The following UGT1A7 variants were observed in gnomAD, a reference collection of about 807,000 sequenced individuals.
UGT1A7 encodes the protein UDP glucuronosyltransferase family 1 member A7.
Under a neutral mutation model 45.6 loss-of-function variants are expected in UGT1A7, and 33 were observed. The observed-to-expected ratio is 0.72, with a 90% CI of 0.55 to 0.97. The LOEUF (loss-of-function observed/expected upper bound fraction) is 0.97, where lower values mean the gene tolerates loss of function less well. Ranked by LOEUF, UGT1A7 falls within the 50% of genes least tolerant of loss-of-function variation. The probability of loss-of-function intolerance (pLI) is 0.00; values close to 1 mark genes in which losing one functional copy is unlikely to be tolerated. For missense variants in UGT1A7, 684 were observed against 666.2 expected (o/e 1.03, Z -0.29); for synonymous variants, 274 against 250.6 (o/e 1.09, Z -0.88).
chr2:233,692,100 T>G (rs2075078223), intron 1 of UGT1A7: 1 of 152,182 alleles, frequency 6.6e-6, no homozygotes, highest in African/African-American at 2.4e-5. Flanking sequence ...TGATCACCGA[T>G]GGGCAACAAT....
intron 1 of UGT1A7, among the ~76,000 whole-genome samples, chr2:233,739,458 G>A (rs183243418): frequency 1.3e-5 from 2 of 152,366 alleles, no homozygotes; most frequent in Non-Finnish European, 2.9e-5. Context: ...CAGGGTTGGA[G>A]CTGCCTGAGA....
chr2:233,744,895 T>C (rs1259140735), intron 1 of UGT1A7, among the ~76,000 whole-genome samples: 1 of 151,910 alleles, frequency 6.6e-6, no homozygotes, highest in African/African-American at 2.4e-5. Flanking sequence ...CTCCTCTCCA[T>C]ACCAAAATCT....
intron 1 of UGT1A7, among the ~76,000 whole-genome samples, chr2:233,701,860 T>C (rs2075656379): frequency 6.6e-6 from 1 of 151,980 alleles, no homozygotes; most frequent in Admixed American, 6.5e-5. Context: ...TAGAGGGAAA[T>C]TTATAGCACT....
At chr2:233,685,526 A>T (rs1365100073) in intron 1 of UGT1A7, among the ~76,000 whole-genome samples, 1 of 152,126 alleles carries the variant, frequency 6.6e-6, no homozygotes, top group African/African-American at 2.4e-5. Context: ...TGCTTTCCCC[A>T]TTGCTCTCGC....
chr2:233,747,052 G>A (rs1432721744), intron 1 of UGT1A7, among the ~76,000 whole-genome samples: 1 of 151,950 alleles, frequency 6.6e-6, no homozygotes, highest in African/African-American at 2.4e-5. Flanking sequence ...GAAAGACAAT[G>A]ATTGGTTAAT....
rs45625338 is a variant in UGT1A7 at position 233,729,259 on chromosome 2, C to T, written c.856-37775C>T. 3,601 of 1,614,078 alleles carry T rather than the reference C, an allele frequency of 2.2e-3. 92 individuals are homozygous for T. In the East Asian group the frequency reaches 0.052, roughly 23 times the overall value. On this transcript the variant is annotated intron_variant, in intron 1 of 4. Transcript: ENST00000373426. ...TGATGGCAGCCACTGGCTCAGCATGCGGGAGGTCTTGCGGGAGCTCCATGC... is the reference window on the plus strand; with the variant it reads ...TGATGGCAGCCACTGGCTCAGCATGTGGGAGGTCTTGCGGGAGCTCCATGC...
At chr2:233,761,218 C>G in intron 1 of UGT1A7, 1 of 1,613,694 alleles carries the variant, frequency 6.2e-7, no homozygotes, top group Non-Finnish European at 8.5e-7. Context: ...GATCGATTAA[C>G]TAGCCCCAGA....
intron 1 of UGT1A7, chr2:233,692,799 G>T: frequency 7.2e-7 from 1 of 1,392,828 alleles, no homozygotes. Flanking sequence ...AGCTGACACG[G>T]CCATAGTTGG....
intron 1 of UGT1A7, among the ~76,000 whole-genome samples, chr2:233,738,283 A>G (rs1177396834): frequency 6.6e-6 from 1 of 152,176 alleles, no homozygotes; most frequent in African/African-American, 2.4e-5. Context: ...TTTATAAATT[A>G]CCCAGTCTTG....
Position 233,682,084 on chromosome 2 carries a change from C to T in UGT1A7, c.147C>T (p.Ile49=), listed in dbSNP as rs1387851002. Residue 49 remains isoleucine (I), a synonymous_variant, in exon 1 of 5, where the codon ATC becomes ATT. Coordinates refer to ENST00000373426, the MANE Select transcript of UGT1A7 (RefSeq NM_019077.3). ...TGCAGTCGGTGGTGGAGAAACTCAT[C>T]CTCAGGGGGCATGAGGTGGTCGTAG... ...FTMQSVVEKL[I]LRGHEVVVVM... The T allele has an allele frequency of 1.9e-6, 3 of 1,614,096 alleles. No homozygotes were observed. The highest frequency in any genetic ancestry group is 8.5e-7 in the Non-Finnish European group (1 of 1,180,008).
intron 1 of UGT1A7, among the ~76,000 whole-genome samples, chr2:233,764,044 G>C (rs1237715809): frequency 6.6e-6 from 1 of 152,166 alleles, no homozygotes; most frequent in Non-Finnish European, 1.5e-5. Flanking sequence ...AAGAATTCTG[G>C]GAAAATGAAA....
Position 233,682,125 on chromosome 2 carries a change from G to A in UGT1A7, c.188G>A (p.Ser63Asn). 1 of 1,614,208 alleles carries A rather than the reference G, an allele frequency of 6.2e-7. No homozygotes were observed. The highest frequency in any genetic ancestry group is 2.2e-5 in the East Asian group (1 of 44,888). The part of the protein sequence containing the change: ...HEVVVVMPEV[S>N]WQLGRSLNCT... Reference sequence around the variant, plus strand: ...GTGGTCGTAGTCATGCCAGAGGTGAGTTGGCAACTGGGAAGATCACTGAAT... The same window carrying A: ...GTGGTCGTAGTCATGCCAGAGGTGAATTGGCAACTGGGAAGATCACTGAAT... The change falls in exon 1 of 5, where the codon AGT becomes AAT. Residue 63 changes from serine to asparagine, a missense_variant. Coordinates refer to ENST00000373426, the MANE Select transcript of UGT1A7 (RefSeq NM_019077.3).
At chr2:233,768,580 T>TTA in intron 4 of UGT1A7, 141 bp downstream of exon 4, 2 of 1,335,112 alleles carry the variant, frequency 1.5e-6, no homozygotes, top group Non-Finnish European at 1.9e-6. Context: ...TTTTTATTTC[T>TTA]TCTTTTTTTT....
intron 1 of UGT1A7, among the ~76,000 whole-genome samples, chr2:233,757,286 A>G (rs1696467514): frequency 8.1e-6 from 1 of 123,644 alleles, no homozygotes. Flanking sequence ...TTCAGAAGGG[A>G]CAGCTGGGGG....
At chr2:233,763,561 T>A (rs1698343622) in intron 1 of UGT1A7, among the ~76,000 whole-genome samples, 1 of 152,248 alleles carries the variant, frequency 6.6e-6, no homozygotes, top group Admixed American at 6.5e-5. Context: ...GTCAAGTTAC[T>A]GTTCTTATTT....
At chr2:233,704,223 G>A (rs2075773565) in intron 1 of UGT1A7, among the ~76,000 whole-genome samples, 1 of 133,698 alleles carries the variant, frequency 7.5e-6, no homozygotes, top group African/African-American at 2.9e-5. Flanking sequence ...TATCTCTCAT[G>A]TATTTATTTG....
chr2:233,737,372 G>T (rs992613847), intron 1 of UGT1A7, among the ~76,000 whole-genome samples: 12 of 152,258 alleles, frequency 7.9e-5, no homozygotes, highest in African/African-American at 2.7e-4. Flanking sequence ...CCAGGCAGGG[G>T]AGAGAATCTC....
chr2:233,695,124 T>C (rs897495873), intron 1 of UGT1A7, among the ~76,000 whole-genome samples: 33 of 116,872 alleles, frequency 2.8e-4, no homozygotes, highest in African/African-American at 1.1e-3. Context: ...CCAACCCTTT[T>C]CTTTTCTTTT....
intron 1 of UGT1A7, among the ~76,000 whole-genome samples, chr2:233,711,291 G>C (rs4233633): frequency 0.17 from 25,883 of 152,238 alleles, 2,419 homozygotes; most frequent in South Asian, 0.25. Context: ...AGACGTGGGA[G>C]TAGAAATTAG....
Sources: allele counts gnomAD v4.1 joint callset (sites outside exome capture counted in the v4.1 genomes callset), GRCh38; gene constraint gnomAD v4.1.1; transcripts MANE v1.5; gene names NCBI Gene and HGNC (gene_info 2026-07-23, HGNC 2026-07-21).